Variants in FHIT observed in about 807,000 individuals in gnomAD.
The protein encoded by FHIT is bis(5'-adenosyl)-triphosphatase.
A neutral mutation model predicts 17.9 loss-of-function variants in FHIT; 19 were observed. The ratio of observed to expected loss-of-function variants is 1.06; its 90% confidence interval spans 0.74 to 1.56. The LOEUF is 1.56. FHIT is among the 40% of genes most tolerant of loss of function. FHIT has a pLI of 0.00. For missense variants in FHIT, 248 were observed against 189.2 expected, an observed-to-expected ratio of 1.31 and a Z score of -1.82; for synonymous variants, 81 against 69.7, an observed-to-expected ratio of 1.16 and a Z score of -0.81.
At chr3:60,982,239 T>TAAG (rs1710527634) in intron 3 of FHIT, among the ~76,000 whole-genome samples, 2 of 152,348 alleles carry the variant, frequency 1.3e-5, no homozygotes, top group South Asian at 2.1e-4. Flanking sequence ...GCCCCAGCCT[T>TAAG]GCTCTACAGG....
chr3:60,343,081 G>A (rs954691980), intron 5 of FHIT, among the ~76,000 whole-genome samples: 1 of 152,094 alleles, frequency 6.6e-6, no homozygotes, highest in Admixed American at 6.5e-5. Flanking sequence ...GCATATCCTG[G>A]TTTTTAATAA....
At chr3:60,195,123 G>A (rs7622557) in intron 5 of FHIT, among the ~76,000 whole-genome samples, 23,033 of 151,850 alleles carry the variant, frequency 0.15, 1,855 homozygotes, top group East Asian at 0.32. Flanking sequence ...CCAAGATCGC[G>A]CCATTCCACT....
At chr3:60,920,856 G>T (rs1463923003) in intron 3 of FHIT, among the ~76,000 whole-genome samples, 1 of 152,142 alleles carries the variant, frequency 6.6e-6, no homozygotes, top group Non-Finnish European at 1.5e-5. Context: ...CACTACTAAA[G>T]AGAACAGGGA....
intron 4 of FHIT, among the ~76,000 whole-genome samples, chr3:60,812,650 A>G (rs558726188): frequency 1.3e-5 from 2 of 152,288 alleles, no homozygotes; most frequent in African/African-American, 4.8e-5. Flanking sequence ...TAAATTGACT[A>G]TATCCAGAAT....
chr3:59,844,037 T>C (rs1575579322), intron 8 of FHIT, among the ~76,000 whole-genome samples: 1 of 152,122 alleles, frequency 6.6e-6, no homozygotes, highest in East Asian at 1.9e-4. Context: ...TTGCTTCCGC[T>C]CTGGCCATGT....
chr3:61,198,116 T>A (rs2038906057), intron 2 of FHIT, among the ~76,000 whole-genome samples: 1 of 152,096 alleles, frequency 6.6e-6, no homozygotes, highest in Admixed American at 6.6e-5. Flanking sequence ...AGCTCACTAA[T>A]GAATAGACTA....
At chr3:60,041,633 T>C (rs765069636) in intron 5 of FHIT, among the ~76,000 whole-genome samples, 7 of 152,188 alleles carry the variant, frequency 4.6e-5, no homozygotes, top group African/African-American at 7.2e-5. Flanking sequence ...CCAGAGATGA[T>C]CTGAATAAAG....
intron 5 of FHIT, among the ~76,000 whole-genome samples, chr3:60,054,379 A>G (rs9860107): frequency 0.095 from 14,493 of 152,242 alleles, 797 homozygotes; most frequent in South Asian, 0.17. Flanking sequence ...GTCAGATTAG[A>G]AAAACAAAAC....
In FHIT at chr3:59,964,958, T is replaced by C. The variant is rs149589499; in HGVS notation, c.280-42544A>G. ...TTCAATACCAGTTTCATAAATCATA[T>C]TAACATTAGGAGAAAATCTATTATA... On this transcript the variant is annotated intron_variant, in intron 7 of 9. Coordinates refer to ENST00000492590, the MANE Select transcript of FHIT (RefSeq NM_002012.4). 2.8e-3 allele frequency among the ~76,000 whole-genome samples: 432 copies of C among 152,198 alleles called. 3 individuals are homozygous for C. The highest frequency in any genetic ancestry group is 9.9e-3 in the African/African-American group (413 of 41,560).
chr3:60,008,830 G>A (rs1700019683), intron 7 of FHIT, among the ~76,000 whole-genome samples: 3 of 152,216 alleles, frequency 2.0e-5, no homozygotes. Context: ...CCCTAGAGGG[G>A]CTGGCTACTG....
intron 5 of FHIT, among the ~76,000 whole-genome samples, chr3:60,525,727 G>T (rs2035548166): frequency 6.6e-6 from 1 of 152,132 alleles, no homozygotes; most frequent in Non-Finnish European, 1.5e-5. Context: ...ATTACTTAGA[G>T]CTCTCTACAA....
At chr3:61,233,768 C>T (rs1256562334) in intron 1 of FHIT, among the ~76,000 whole-genome samples, 1 of 152,176 alleles carries the variant, frequency 6.6e-6, no homozygotes, top group Non-Finnish European at 1.5e-5. Context: ...TCATTCATCT[C>T]TCTGTCCTCT....
At chr3:60,689,502 T>C (rs1447212938) in intron 4 of FHIT, among the ~76,000 whole-genome samples, 1 of 152,148 alleles carries the variant, frequency 6.6e-6, no homozygotes, top group Non-Finnish European at 1.5e-5. Flanking sequence ...TCCAGGGACT[T>C]GAGCATCCAC....
At chr3:60,592,663 T>C (rs1021783623) in intron 4 of FHIT, among the ~76,000 whole-genome samples, 1 of 152,160 alleles carries the variant, frequency 6.6e-6, no homozygotes, top group Admixed American at 6.5e-5. Context: ...CGCCCATCAC[T>C]TCTCATTGTC....
intron 8 of FHIT, among the ~76,000 whole-genome samples, chr3:59,910,080 GAC>G (rs995694897): frequency 1.3e-5 from 2 of 152,186 alleles, no homozygotes; most frequent in African/African-American, 4.8e-5. Flanking sequence ...GTGCACCTGT[GAC>G]ACAGCCTCAG....
At chr3:61,250,046 C>T (rs1416965181) in intron 1 of FHIT, among the ~76,000 whole-genome samples, 1 of 152,036 alleles carries the variant, frequency 6.6e-6, no homozygotes, top group East Asian at 1.9e-4. Flanking sequence ...AGCAGGTGGA[C>T]ACAGGCCGGC....
chr3:61,224,766 A>G (rs575069924), intron 1 of FHIT, among the ~76,000 whole-genome samples: 2 of 152,224 alleles, frequency 1.3e-5, no homozygotes, highest in African/African-American at 2.4e-5. Flanking sequence ...AAAGGATGAC[A>G]GCATTTCCAC....
intron 3 of FHIT, among the ~76,000 whole-genome samples, chr3:60,863,334 A>G (rs1704006832): frequency 1.3e-5 from 2 of 152,200 alleles, no homozygotes; most frequent in South Asian, 4.1e-4. Context: ...AGTAAGAAAC[A>G]CAGCGCTGCT....
intron 2 of FHIT, among the ~76,000 whole-genome samples, chr3:61,096,561 G>T (rs963906659): frequency 6.6e-6 from 1 of 152,170 alleles, no homozygotes; most frequent in African/African-American, 2.4e-5. Context: ...CTTGTGGAAT[G>T]GAAAATGCCT....
Sources: gnomAD v4.1 joint callset for allele counts (sites outside exome capture counted in the v4.1 genomes callset) on GRCh38, gnomAD v4.1.1 for gene constraint, MANE v1.5 for transcripts, NCBI Gene and HGNC (gene_info 2026-07-23, HGNC 2026-07-21) for gene names.